EML6: variants seen among roughly 807,000 people sequenced by gnomAD.
The protein encoded by EML6 is echinoderm microtubule-associated protein-like 6.
EML6 carries 154 observed loss-of-function variants against 240.1 expected under a neutral mutation model. The observed-to-expected ratio is 0.64, with a 90% CI of 0.56 to 0.73. EML6 has a LOEUF of 0.73. EML6 is among the 30% of genes least tolerant of loss of function. The probability of loss-of-function intolerance (pLI) is 0.00; values close to 1 mark genes in which losing one functional copy is unlikely to be tolerated. For missense variants in EML6, 2,964 were observed against 2,474.6 expected, an observed-to-expected ratio of 1.20 and a Z score of -4.20; for synonymous variants, 1,148 against 899.0, an observed-to-expected ratio of 1.28 and a Z score of -4.95.
At chr2:54,762,843 T>C (rs1668036713) in intron 2 of EML6, among the ~76,000 whole-genome samples, 1 of 152,218 alleles carries the variant, frequency 6.6e-6, no homozygotes, top group Admixed American at 6.5e-5. Context: ...GTGGGACTGG[T>C]ATTTAAGAAC....
chr2:54,946,542 G>A (rs980227727), intron 28 of EML6, among the ~76,000 whole-genome samples: 5 of 152,198 alleles, frequency 3.3e-5, no homozygotes, highest in Non-Finnish European at 7.3e-5. Flanking sequence ...CCAGTGTTTG[G>A]CTACGTGTGA....
chr2:54,862,289 G>A (rs1387276628), intron 12 of EML6, among the ~76,000 whole-genome samples: 2 of 131,156 alleles, frequency 1.5e-5, no homozygotes, highest in African/African-American at 3.0e-5. Flanking sequence ...AGTGAGCCAC[G>A]ATTGTGCCAC....
intron 26 of EML6, among the ~76,000 whole-genome samples, chr2:54,917,768 AT>A (rs998993494): frequency 2.6e-5 from 4 of 151,288 alleles, no homozygotes; most frequent in Non-Finnish European, 5.9e-5. Flanking sequence ...CCGAAGTCTC[AT>A]TTTTTTTTCC....
At position 54,893,583 on chromosome 2, in the gene EML6, A is replaced by G. The variant is rs116190940; in HGVS notation, c.2742+927A>G. 3.8e-3 allele frequency among the ~76,000 whole-genome samples: 577 copies of G among 152,316 alleles called. 4 individuals carry two copies. The highest frequency in any genetic ancestry group is 6.8e-3 in the Non-Finnish European group (460 of 68,030). ...TTTGGAGGGGGCTAATATTTAAACC[A>G]TAGCACCTTCAGTGTTTTAAAACAC... On this transcript the variant is annotated intron_variant, in intron 19 of 41. Transcript: ENST00000356458.
chr2:54,778,149 A>C (rs1255041480), intron 2 of EML6, among the ~76,000 whole-genome samples: 1 of 152,174 alleles, frequency 6.6e-6, no homozygotes, highest in African/African-American at 2.4e-5. Flanking sequence ...GTATCTGTGA[A>C]TCTCTAAATG....
chr2:54,735,818 A>C (rs1188502109), intron 2 of EML6, among the ~76,000 whole-genome samples: 5 of 152,260 alleles, frequency 3.3e-5, no homozygotes, highest in African/African-American at 1.2e-4. Context: ...TGAAGTCCAG[A>C]TGTCTGCAGA....
intron 26 of EML6, among the ~76,000 whole-genome samples, chr2:54,925,411 A>T (rs1488594845): frequency 3.3e-5 from 5 of 152,158 alleles, no homozygotes; most frequent in Non-Finnish European, 5.9e-5. Flanking sequence ...ATATTCTCGC[A>T]TTGAGTTCTA....
intron 2 of EML6, among the ~76,000 whole-genome samples, chr2:54,760,661 G>T (rs1020182821): frequency 2.6e-5 from 4 of 151,998 alleles, no homozygotes; most frequent in Non-Finnish European, 5.9e-5. Context: ...TTTTATCTGG[G>T]TTTTCTTTCT....
intron 2 of EML6, among the ~76,000 whole-genome samples, chr2:54,805,223 G>C (rs1367292120): frequency 6.6e-6 from 1 of 152,120 alleles, no homozygotes; most frequent in Non-Finnish European, 1.5e-5. Context: ...TGTTGTACGT[G>C]TGACCTATTT....
intron 2 of EML6, among the ~76,000 whole-genome samples, chr2:54,780,556 G>A (rs1668808919): frequency 6.6e-6 from 1 of 152,170 alleles, no homozygotes; most frequent in Non-Finnish European, 1.5e-5. Context: ...TAAGGGAACT[G>A]TGTCTATAAT....
intron 26 of EML6, among the ~76,000 whole-genome samples, chr2:54,917,779 C>T (rs1167174169): frequency 6.6e-6 from 1 of 151,732 alleles, no homozygotes; most frequent in African/African-American, 2.4e-5. Flanking sequence ...TTTTTTTTTC[C>T]AGCCTAACCT....
rs1296640714 is a variant in EML6, at chr2:54,920,269, A to G, written c.3675+3334A>G. Among the ~76,000 whole-genome samples, 3 of 152,148 alleles carry G rather than the reference A, an allele frequency of 2.0e-5. No homozygotes were observed. The East Asian group carries it at 5.8e-4, about 29-fold the overall frequency. On this transcript the variant is annotated intron_variant, in intron 26 of 41. Coordinates refer to ENST00000356458, the MANE Select transcript of EML6 (RefSeq NM_001039753.4). Reference sequence around the variant, plus strand: ...GTTTTTGAAAAGGTAAAATTGACCAACCTTTAGCTAGACTAGCCAAAAAAA... The same window carrying G: ...GTTTTTGAAAAGGTAAAATTGACCAGCCTTTAGCTAGACTAGCCAAAAAAA...
Position 54,794,674 on chromosome 2 carries a change from G to A in EML6, c.198-18558G>A, listed in dbSNP as rs148722549. 6.6e-5 allele frequency among the ~76,000 whole-genome samples: 10 copies of A among 152,222 alleles called. 1 individual carries two copies. The East Asian group carries it at 1.7e-3, about 26-fold the overall frequency. On this transcript the variant is annotated intron_variant, in intron 2 of 41. Coordinates refer to ENST00000356458, the MANE Select transcript of EML6 (RefSeq NM_001039753.4). ...TTTCCTTTCAGTGGAGTAAAGGCTGGGCCACCTGTAAATGGTTAGTGCACT... is the reference window on the plus strand; with the variant it reads ...TTTCCTTTCAGTGGAGTAAAGGCTGAGCCACCTGTAAATGGTTAGTGCACT...
At position 54,723,765 on chromosome 2, in the gene EML6, G is replaced by T. The variant is rs150062470; in HGVS notation, c.-526G>T. 6.6e-6 allele frequency: 1 copy of T among 152,356 alleles called. No homozygotes were observed. Among genetic ancestry groups the T allele is most frequent in the Non-Finnish European group, 1.5e-5 (1 of 68,150 alleles). The allele number at this position is 152,356 out of a possible 1,614,324, so 9.4% of individuals were successfully genotyped here. A position where few individuals can be genotyped will look rare whatever the true frequency, so the allele number is the denominator to read the frequency against. ...GATCCGGGACGCGCCGGTGGCGTCCGCTGGCAGCAGAGGTTAGAGGCAGAG... is the reference window on the plus strand; with the variant it reads ...GATCCGGGACGCGCCGGTGGCGTCCTCTGGCAGCAGAGGTTAGAGGCAGAG... On this transcript the variant is annotated 5_prime_UTR_variant, in exon 1 of 42. Coordinates refer to ENST00000356458, the MANE Select transcript of EML6 (RefSeq NM_001039753.4).
intron 13 of EML6, 110 bp from the exon 14 acceptor site, chr2:54,866,656 C>A: frequency 1.8e-6 from 1 of 552,594 alleles, no homozygotes; most frequent in South Asian, 3.3e-5. Context: ...CTTAAGTTTT[C>A]AAAGACATTT....
chr2:54,913,632 A>G (rs910612482), intron 25 of EML6, among the ~76,000 whole-genome samples: 8 of 152,184 alleles, frequency 5.3e-5, no homozygotes, highest in African/African-American at 1.4e-4. Flanking sequence ...TTCTTTTGCT[A>G]TGTGGAAGCC....
At chr2:54,909,535 C>G (rs1300665934) in intron 24 of EML6, among the ~76,000 whole-genome samples, 1 of 152,134 alleles carries the variant, frequency 6.6e-6, no homozygotes. Context: ...AGAAGTAGAT[C>G]TACAACTTCT....
Position 54,820,475 on chromosome 2 carries a change from GTTT to G in EML6, c.525+17_525+19del, listed in dbSNP as rs1221657100. On this transcript the variant is annotated intron_variant, in intron 5 of 41. Coordinates refer to ENST00000356458, the MANE Select transcript of EML6 (RefSeq NM_001039753.4). ...AAAACACATAAAGGTAAAGCTTTTT[GTTT>G]TTTAATTTTGGTACCTTGAGTGCAA... The G allele has an allele frequency of 6.6e-7, 1 of 1,517,520 alleles. No homozygotes were observed. The allele number at this position is 1,517,520 out of a possible 1,614,324, so 94.0% of individuals were successfully genotyped here. A position where few individuals can be genotyped will look rare whatever the true frequency, so the allele number is the denominator to read the frequency against.
chr2:54,911,066 T>C, intron 25 of EML6, 24 bp downstream of exon 25: 2 of 1,243,256 alleles, frequency 1.6e-6, no homozygotes, highest in Non-Finnish European at 2.3e-6. Context: ...ACAAAGATTT[T>C]TAAAGATATT....
Sources: allele counts gnomAD v4.1 joint callset (sites outside exome capture counted in the v4.1 genomes callset), GRCh38; gene constraint gnomAD v4.1.1; transcripts MANE v1.5; gene names NCBI Gene and HGNC (gene_info 2026-07-23, HGNC 2026-07-21).